CHST12: variants seen among roughly 807,000 people sequenced by gnomAD.
The protein encoded by CHST12 is carbohydrate sulfotransferase 12, also known as carbohydrate (chondroitin 4) sulfotransferase 12.
In CHST12, 23 loss-of-function variants were observed where a neutral mutation model predicts 27.9. The ratio of observed to expected loss-of-function variants is 0.82; its 90% confidence interval spans 0.59 to 1.17. CHST12 has a LOEUF of 1.17. Among genes scored for constraint, CHST12 ranks in the 50% most tolerant of loss-of-function variants. CHST12 has a pLI of 0.00. For missense variants in CHST12, 682 were observed against 603.0 expected (o/e 1.13, Z -1.37); for synonymous variants, 322 against 273.0 (o/e 1.18, Z -1.77).
At position 2,446,842 on chromosome 7, in the gene CHST12, A is replaced by C. The variant is rs1034206377; in HGVS notation, c.*12958A>C. 3 of 152,354 alleles carry C rather than the reference A, an allele frequency of 2.0e-5. No homozygotes were observed. Among genetic ancestry groups the C allele is most frequent in the Non-Finnish European group, 4.4e-5 (3 of 68,254 alleles). 9.4% of individuals were successfully genotyped at this position (152,354 alleles called of 1,614,324 possible). ...GGAGATTGGAGCGGTCCCAGTGCCC[A>C]CCGCTGATTCTCTGGCTCCAGCAAC... On this transcript the variant is annotated 3_prime_UTR_variant, in exon 2 of 2. Coordinates refer to ENST00000618655, the MANE Select transcript of CHST12 (RefSeq NM_018641.5).
Position 2,444,541 on chromosome 7 carries a change from G to A in CHST12, c.*10657G>A, listed in dbSNP as rs1298875250. 1 of 152,356 alleles carries A rather than the reference G, an allele frequency of 6.6e-6. No homozygotes were observed. The highest frequency in any genetic ancestry group is 1.5e-5 in the Non-Finnish European group (1 of 68,152). 9.4% of individuals were successfully genotyped at this position (152,356 alleles called of 1,614,324 possible). A position where few individuals can be genotyped will look rare whatever the true frequency, so the allele number is the denominator to read the frequency against. On this transcript the variant is annotated 3_prime_UTR_variant, in exon 2 of 2. Transcript: ENST00000618655. ...CCTGCCTTGTTCCTGAGCTCACCAG[G>A]GTCCTTCACTCTGTGGCACTGGCCT...
rs1782545440 is a variant in CHST12 at position 2,439,299 on chromosome 7, C to A, written c.*5415C>A. On this transcript the variant is annotated 3_prime_UTR_variant, in exon 2 of 2. Coordinates refer to ENST00000618655, the MANE Select transcript of CHST12 (RefSeq NM_018641.5). ...TCTTAGCATCATGAGATTTTAGAAA[C>A]ATGTTCTTACTCTGCCAGGACCCAG... 6.6e-6 allele frequency: 1 copy of A among 152,144 alleles called. No homozygotes were observed. The allele number at this position is 152,144 out of a possible 1,614,324, so 9.4% of individuals were successfully genotyped here.
Position 2,433,217 on chromosome 7 carries a change from G to C in CHST12, c.578G>C (p.Gly193Ala). The change falls in exon 2 of 2, where the codon GGT (glycine) becomes GCT (alanine). Residue 193 changes from glycine (G) to alanine (A), a missense_variant. Physicochemically the swap from Gly to Ala is moderately conservative, Grantham distance 60. Transcript: ENST00000618655. This position sits in a 1 kb window ranked among gnomAD's most constrained non-coding sequence, Gnocchi z 6.1. ...IVLSGSLLHR[G>A]APYRDPLRIP... ...CTGAGCGGAAGCCTGCTGCACCGCG[G>C]TGCGCCCTACCGCGACCCGCTGCGC... 2 of 1,612,582 alleles carry C rather than the reference G, an allele frequency of 1.2e-6. No individual in the cohort carries two copies. The highest frequency in any genetic ancestry group is 1.7e-6 in the Non-Finnish European group (2 of 1,179,482).
chr7:2,410,032 T>A (rs1210390343), intron 1 of CHST12, among the ~76,000 whole-genome samples: 1 of 152,138 alleles, frequency 6.6e-6, no homozygotes, highest in African/African-American at 2.4e-5. Flanking sequence ...AGCCTCTGTT[T>A]CCTGAGTTCA....
At chr7:2,427,070 C>G (rs1782141905) in intron 1 of CHST12, among the ~76,000 whole-genome samples, 1 of 139,766 alleles carries the variant, frequency 7.2e-6, no homozygotes, top group Middle Eastern at 4.5e-3. Context: ...CTTTGCAAGG[C>G]CGAGGTGGCC....
chr7:2,433,489 C>T lies in CHST12; in HGVS notation c.850C>T (p.Leu284=), dbSNP rs893288611. Residue 284 remains leucine, a synonymous_variant, in exon 2 of 2, where the codon CTG becomes TTG. Coordinates refer to ENST00000618655, the MANE Select transcript of CHST12 (RefSeq NM_018641.5). The surrounding 1 kb of genome is among the most constrained non-coding windows in gnomAD (Gnocchi z 6.1). The part of the protein sequence containing the change: ...MLRLYANHTS[L]PASAREAFRA... ...GCGGCTGTACGCCAACCACACCAGCCTGCCCGCCTCGGCGCGCGAGGCCTT... is the reference window on the plus strand; with the variant it reads ...GCGGCTGTACGCCAACCACACCAGCTTGCCCGCCTCGGCGCGCGAGGCCTT... 1.2e-6 allele frequency: 2 copies of T among 1,611,740 alleles called. No individual in the cohort carries two copies. The highest frequency in any genetic ancestry group is 1.7e-6 in the Non-Finnish European group (2 of 1,179,892).
intron 1 of CHST12, chr7:2,404,217 G>T (rs1347558666): frequency 6.6e-6 from 1 of 152,460 alleles, no homozygotes; most frequent in Non-Finnish European, 1.5e-5. Context: ...GTCGCTCAGG[G>T]TATCCCTTAA....
chr7:2,415,318 T>C (rs1353080530), intron 1 of CHST12, among the ~76,000 whole-genome samples: 1 of 151,818 alleles, frequency 6.6e-6, no homozygotes. Flanking sequence ...TGAGCCGAGA[T>C]TGTGCCACTG....
At chr7:2,431,012 G>A (rs768993449) in intron 1 of CHST12, among the ~76,000 whole-genome samples, 8 of 152,190 alleles carry the variant, frequency 5.3e-5, no homozygotes, top group Non-Finnish European at 1.0e-4. Context: ...ATGTCCTGTT[G>A]GTTGCTGGTG....
At chr7:2,414,083 C>T (rs1047431113) in intron 1 of CHST12, among the ~76,000 whole-genome samples, 1 of 152,014 alleles carries the variant, frequency 6.6e-6, no homozygotes, top group South Asian at 2.1e-4. Flanking sequence ...TGAGCACTTT[C>T]CTATGTGCTT....
intron 1 of CHST12, among the ~76,000 whole-genome samples, chr7:2,405,642 A>G (rs1268025564): frequency 1.3e-5 from 2 of 151,984 alleles, no homozygotes; most frequent in Non-Finnish European, 2.9e-5. Flanking sequence ...GGTCTGGGGC[A>G]GTGAGAGAGT....
chr7:2,411,288 C>T (rs751174990), intron 1 of CHST12, among the ~76,000 whole-genome samples: 1 of 151,916 alleles, frequency 6.6e-6, no homozygotes, highest in African/African-American at 2.4e-5. Flanking sequence ...TGGTATGTTG[C>T]GCAAGCTGAT....
rs536382268 is a variant in CHST12 at position 2,425,416 on chromosome 7, A to T, written c.-77-7147A>T. Among the ~76,000 whole-genome samples the T allele has an allele frequency of 2.0e-5, 3 of 152,148 alleles. No individual in the cohort carries two copies. The East Asian group carries it at 5.8e-4, about 29-fold the overall frequency. On this transcript the variant is annotated intron_variant, in intron 1 of 1. Transcript: ENST00000618655. ...TAGCCACTGAAAATGGATATATTTC[A>T]TATTCACCTTTTACCCTCCACCCCC...
At position 2,438,234 on chromosome 7, in the gene CHST12, T is replaced by C. The variant is rs1562523963; in HGVS notation, c.*4350T>C. The stretch of plus-strand genomic sequence containing the variant: ...CTTTCCTGAATGTGTTGGTTCGGCA[T>C]GGTGACAGGTGTTTCCCTGCGGCAG... On this transcript the variant is annotated 3_prime_UTR_variant, in exon 2 of 2. Coordinates refer to ENST00000618655, the MANE Select transcript of CHST12 (RefSeq NM_018641.5). The C allele has an allele frequency of 6.6e-6, 1 of 152,282 alleles. No individual in the cohort carries two copies. Among genetic ancestry groups the C allele is most frequent in the Non-Finnish European group, 1.5e-5 (1 of 68,112 alleles). 9.4% of individuals were successfully genotyped at this position (152,282 alleles called of 1,614,324 possible). A position where few individuals can be genotyped will look rare whatever the true frequency, so the allele number is the denominator to read the frequency against.
At chr7:2,421,712 C>T (rs1349449474) in intron 1 of CHST12, among the ~76,000 whole-genome samples, 1 of 152,046 alleles carries the variant, frequency 6.6e-6, no homozygotes, top group African/African-American at 2.4e-5. Flanking sequence ...GCCAGGATTA[C>T]AGGCATGAGC....
At chr7:2,425,147 G>C (rs1554281063) in intron 1 of CHST12, among the ~76,000 whole-genome samples, 3 of 150,132 alleles carry the variant, frequency 2.0e-5, no homozygotes, top group South Asian at 2.1e-4. Context: ...AGAGATTGCA[G>C]TGAGCCGAGA....
In CHST12 at chr7:2,441,820, TGTG is replaced by T. The variant is rs1044236228; in HGVS notation, c.*7945_*7947del. On this transcript the variant is annotated 3_prime_UTR_variant, in exon 2 of 2. Coordinates refer to ENST00000618655, the MANE Select transcript of CHST12 (RefSeq NM_018641.5). The stretch of plus-strand genomic sequence containing the variant: ...TGTAAGTATATTTTCTTGGGTGAAT[TGTG>T]GTGGTGGTAATGGTTTTAACTGGTG... 6.6e-6 allele frequency: 1 copy of T among 152,174 alleles called. No individual in the cohort carries two copies. Among genetic ancestry groups the T allele is most frequent in the African/African-American group, 2.4e-5 (1 of 41,450 alleles). 9.4% of individuals were successfully genotyped at this position (152,174 alleles called of 1,614,324 possible).
At position 2,433,278 on chromosome 7, in the gene CHST12, C is replaced by T. The variant is rs1260775923; in HGVS notation, c.639C>T (p.His213=). 2 of 1,612,228 alleles carry T rather than the reference C, an allele frequency of 1.2e-6. No individual in the cohort carries two copies. Among genetic ancestry groups the T allele is most frequent in the East Asian group, 2.2e-5 (1 of 44,828 alleles). ...AGCACGTGCACAACGCCAGCGCGCACCTGACCTTCAACAAGTTCTGGCGCC... is the reference window on the plus strand; with the variant it reads ...AGCACGTGCACAACGCCAGCGCGCATCTGACCTTCAACAAGTTCTGGCGCC... The part of the protein sequence containing the change: ...PREHVHNASA[H]LTFNKFWRRY... The change falls in exon 2 of 2, where the codon CAC becomes CAT. Residue 213 remains histidine, a synonymous_variant. Transcript: ENST00000618655. The surrounding 1 kb of genome is among the most constrained non-coding windows in gnomAD (Gnocchi z 6.1).
At chr7:2,406,021 C>A (rs941815446) in intron 1 of CHST12, among the ~76,000 whole-genome samples, 6 of 152,046 alleles carry the variant, frequency 3.9e-5, no homozygotes, top group Non-Finnish European at 8.8e-5. Flanking sequence ...TGATTCTCTT[C>A]TAGTGTGGGT....
Sources: allele counts gnomAD v4.1 joint callset (sites outside exome capture counted in the v4.1 genomes callset), GRCh38; gene constraint gnomAD v4.1.1; non-coding constraint Gnocchi (gnomAD v3.1); transcripts MANE v1.5; gene names NCBI Gene and HGNC (gene_info 2026-07-23, HGNC 2026-07-21).